PALS2: variants seen among roughly 807,000 people sequenced by gnomAD.
PALS2 encodes the protein protein associated with LIN7 2, MAGUK p55 family member, also known as protein PALS2.
A neutral mutation model predicts 61.6 loss-of-function variants in PALS2; 27 were observed. That is an observed-to-expected ratio of 0.44 (90% CI 0.32 to 0.60). The LOEUF is 0.60. Among genes scored for constraint, PALS2 ranks in the 20% least tolerant of loss-of-function variants. PALS2 has a pLI of 0.05. For missense variants in PALS2, 554 were observed against 639.4 expected (o/e 0.87, Z 1.44); for synonymous variants, 236 against 218.6 (o/e 1.08, Z -0.70).
intron 8 of PALS2, among the ~76,000 whole-genome samples, chr7:24,666,572 A>G (rs1787028513): frequency 6.6e-6 from 1 of 152,212 alleles, no homozygotes; most frequent in Admixed American, 6.5e-5. Context: ...TCTTTTAGTC[A>G]TACAGAAAGA....
intron 1 of PALS2, among the ~76,000 whole-genome samples, chr7:24,580,485 A>G (rs1583822894): frequency 1.3e-5 from 2 of 152,204 alleles, no homozygotes; most frequent in Admixed American, 6.5e-5. Flanking sequence ...CACCAGGTCA[A>G]TACTTCTGCA....
chr7:24,649,582 A>C lies in PALS2; in HGVS notation c.271-30A>C, dbSNP rs574546069. On this transcript the variant is annotated intron_variant, in intron 3 of 11. Coordinates refer to ENST00000222644, the MANE Select transcript of PALS2 (RefSeq NM_001303037.2). ...AACAAATTTCATCCACATATCATAAATAACCACAGGCTATTTTGACTCCTT... is the reference window on the plus strand; with the variant it reads ...AACAAATTTCATCCACATATCATAACTAACCACAGGCTATTTTGACTCCTT... The C allele has an allele frequency of 1.0e-4, 156 of 1,505,900 alleles. 1 individual carries two copies. The South Asian group carries it at 1.9e-3, about 19-fold the overall frequency. The allele number at this position is 1,505,900 out of a possible 1,614,324, so 93.3% of individuals were successfully genotyped here. A position where few individuals can be genotyped will look rare whatever the true frequency, so the allele number is the denominator to read the frequency against.
chr7:24,626,656 A>G (rs552275300), intron 2 of PALS2, among the ~76,000 whole-genome samples: 2 of 152,314 alleles, frequency 1.3e-5, no homozygotes, highest in Non-Finnish European at 2.9e-5. Flanking sequence ...TGACACACAT[A>G]GGCTCAAAAT....
chr7:24,576,260 T>G (rs1049474673), intron 1 of PALS2, among the ~76,000 whole-genome samples: 1 of 152,218 alleles, frequency 6.6e-6, no homozygotes, highest in Non-Finnish European at 1.5e-5. Flanking sequence ...TTTTTTGTTG[T>G]AGGGACCAGT....
chr7:24,611,500 A>G (rs907567730), intron 1 of PALS2, among the ~76,000 whole-genome samples: 3 of 152,076 alleles, frequency 2.0e-5, no homozygotes, highest in Admixed American at 6.6e-5. Context: ...TATGCCACCA[A>G]GAAGTAATGA....
chr7:24,667,657 A>AT (rs11284911), intron 8 of PALS2, among the ~76,000 whole-genome samples: 15,102 of 98,624 alleles, frequency 0.15, 2,529 homozygotes, highest in Middle Eastern at 0.21. Context: ...GATTAGATAA[A>AT]TTTTTTTTTT....
At chr7:24,600,755 G>T (rs1224993324) in intron 1 of PALS2, among the ~76,000 whole-genome samples, 2 of 152,028 alleles carry the variant, frequency 1.3e-5, no homozygotes. Context: ...TCATGTCATA[G>T]TATAGATAAA....
chr7:24,588,496 T>C (rs955554751), intron 1 of PALS2, among the ~76,000 whole-genome samples: 1 of 152,222 alleles, frequency 6.6e-6, no homozygotes, highest in African/African-American at 2.4e-5. Context: ...TTACAGCATT[T>C]TCATGTGCTT....
rs2128038967 is a variant in PALS2, at chr7:24,688,365, G to A, written c.*751G>A. 1 of 152,314 alleles carries A rather than the reference G, an allele frequency of 6.6e-6. No homozygotes were observed. Among genetic ancestry groups the A allele is most frequent in the East Asian group, 1.9e-4 (1 of 5,184 alleles). The allele number at this position is 152,314 out of a possible 1,614,324, so 9.4% of individuals were successfully genotyped here. On this transcript the variant is annotated 3_prime_UTR_variant, in exon 12 of 12. Transcript: ENST00000222644. ...TAACATGTACACAGTAAGCTCTGGG[G>A]CTGGAAGCAAGGTCATGCAGACTGA...
chr7:24,684,839 C>T (rs2128036319), intron 11 of PALS2, among the ~76,000 whole-genome samples: 1 of 152,102 alleles, frequency 6.6e-6, no homozygotes, highest in Non-Finnish European at 1.5e-5. Flanking sequence ...TATAAATAAA[C>T]TAAGCACATA....
rs1257026144 is a variant in PALS2, at chr7:24,595,559, CTATA to C, written c.-3+21971_-3+21974del. Among the ~76,000 whole-genome samples the C allele has an allele frequency of 8.8e-4, 102 of 116,472 alleles. 1 individual carries two copies. The highest frequency in any genetic ancestry group is 8.0e-3 in the Middle Eastern group (2 of 250). 76.4% of individuals were successfully genotyped at this position (116,472 alleles called of 152,430 possible). A position where few individuals can be genotyped will look rare whatever the true frequency, so the allele number is the denominator to read the frequency against. Reference sequence around the variant, plus strand: ...TATATAATATATAAATATATATTAACTATATATAAATATATATAAATATATATAA... The same window carrying C: ...TATATAATATATAAATATATATTAACTATAAATATATATAAATATATATAA... On this transcript the variant is annotated intron_variant, in intron 1 of 11. Coordinates refer to ENST00000222644, the MANE Select transcript of PALS2 (RefSeq NM_001303037.2).
intron 1 of PALS2, among the ~76,000 whole-genome samples, chr7:24,581,900 C>T (rs1168350384): frequency 1.3e-5 from 2 of 152,120 alleles, no homozygotes; most frequent in East Asian, 1.9e-4. Context: ...GAGTCATAAA[C>T]GATTGACACA....
intron 11 of PALS2, among the ~76,000 whole-genome samples, chr7:24,683,647 C>A (rs538023975): frequency 5.9e-5 from 9 of 152,044 alleles, no homozygotes; most frequent in East Asian, 1.9e-4. Context: ...TTCCAAGATA[C>A]TCTGGTTTCT....
chr7:24,601,796 T>A (rs1425967944), intron 1 of PALS2, among the ~76,000 whole-genome samples: 2 of 152,112 alleles, frequency 1.3e-5, no homozygotes, highest in East Asian at 1.9e-4. Flanking sequence ...TTGCATCATC[T>A]TCTACCTTTA....
rs1231500666 is a variant in PALS2, at chr7:24,604,236, A to AC, written c.-2-19430_-2-19429insC. On this transcript the variant is annotated intron_variant, in intron 1 of 11. Coordinates refer to ENST00000222644, the MANE Select transcript of PALS2 (RefSeq NM_001303037.2). Reference sequence around the variant, plus strand: ...CAAGAAAAGAAAAAAAAAAAAAAAAAAGGAAAAAAGAAAAATATGTGAACA... The same window carrying AC: ...CAAGAAAAGAAAAAAAAAAAAAAAAACAGGAAAAAAGAAAAATATGTGAACA... Among the ~76,000 whole-genome samples, 3 of 150,304 alleles carry AC rather than the reference A, an allele frequency of 2.0e-5. 1 individual carries two copies. The highest frequency in any genetic ancestry group is 4.4e-5 in the Non-Finnish European group (3 of 67,464).
chr7:24,597,861 A>G (rs1348793045), intron 1 of PALS2, among the ~76,000 whole-genome samples: 1 of 152,140 alleles, frequency 6.6e-6, no homozygotes, highest in Non-Finnish European at 1.5e-5. Context: ...AATGTTTGAA[A>G]TAGAGAATAT....
intron 9 of PALS2, among the ~76,000 whole-genome samples, chr7:24,678,468 G>A (rs1342081488): frequency 6.6e-6 from 1 of 152,182 alleles, no homozygotes; most frequent in Non-Finnish European, 1.5e-5. Flanking sequence ...TAAACAGGAA[G>A]CTAAAAGCGT....
At chr7:24,672,486 C>T (rs1000954698) in intron 9 of PALS2, among the ~76,000 whole-genome samples, 4 of 152,086 alleles carry the variant, frequency 2.6e-5, no homozygotes, top group African/African-American at 7.2e-5. Flanking sequence ...CTGCCTTAGC[C>T]TCCCAAAGTG....
chr7:24,576,854 C>T (rs1782659328), intron 1 of PALS2, among the ~76,000 whole-genome samples: 1 of 152,172 alleles, frequency 6.6e-6, no homozygotes, highest in Admixed American at 6.5e-5. Flanking sequence ...TTCATTTCAC[C>T]GCAGAGGGGA....
Sources: gnomAD v4.1 joint callset for allele counts (sites outside exome capture counted in the v4.1 genomes callset) on GRCh38, gnomAD v4.1.1 for gene constraint, MANE v1.5 for transcripts, NCBI Gene and HGNC (gene_info 2026-07-23, HGNC 2026-07-21) for gene names.